FREM3: variants seen among roughly 807,000 people sequenced by gnomAD.
The protein encoded by FREM3 is FRAS1 related extracellular matrix 3.
Under a neutral mutation model 129.1 loss-of-function variants are expected in FREM3, and 105 were observed. The observed-to-expected ratio is 0.81, with a 90% confidence interval of 0.69 to 0.96. The LOEUF is 0.96. FREM3 is among the 40% of genes least tolerant of loss of function. The pLI is 0.00. For missense variants in FREM3, 2,593 were observed against 2,666.3 expected, an observed-to-expected ratio of 0.97 and a Z score of 0.61; for synonymous variants, 1,014 against 1,044.9, an observed-to-expected ratio of 0.97 and a Z score of 0.57.
At chr4:143,667,643 A>G (rs1739888029) in intron 2 of FREM3, among the ~76,000 whole-genome samples, 1 of 152,200 alleles carries the variant, frequency 6.6e-6, no homozygotes, top group Non-Finnish European at 1.5e-5. Flanking sequence ...TAACTTTTTC[A>G]GTTGAGTAAC....
intron 7 of FREM3, among the ~76,000 whole-genome samples, chr4:143,580,176 C>T (rs1225775089): frequency 6.6e-6 from 1 of 152,030 alleles, no homozygotes; most frequent in Non-Finnish European, 1.5e-5. Flanking sequence ...ATGGAGAGGA[C>T]AGAGAGTGGT....
intron 2 of FREM3, among the ~76,000 whole-genome samples, chr4:143,632,392 G>T (rs1383436646): frequency 6.6e-6 from 1 of 152,096 alleles, no homozygotes; most frequent in East Asian, 1.9e-4. Flanking sequence ...GGTGATATTT[G>T]ATAAGAGATT....
At chr4:143,589,130 C>G (rs1241978246) in intron 6 of FREM3, among the ~76,000 whole-genome samples, 1 of 152,094 alleles carries the variant, frequency 6.6e-6, no homozygotes, top group Non-Finnish European at 1.5e-5. Context: ...ACTGTAGATT[C>G]TGGATATTAG....
intron 2 of FREM3, among the ~76,000 whole-genome samples, chr4:143,670,057 G>T (rs922055898): frequency 6.6e-6 from 1 of 152,086 alleles, no homozygotes; most frequent in African/African-American, 2.4e-5. Flanking sequence ...TTAGAATTTT[G>T]TGATCTTCCT....
At chr4:143,673,198 C>G (rs1347919736) in intron 2 of FREM3, among the ~76,000 whole-genome samples, 1 of 152,194 alleles carries the variant, frequency 6.6e-6, no homozygotes, top group Non-Finnish European at 1.5e-5. Flanking sequence ...TTTTTCTGTT[C>G]TGTTTTTTCC....
In FREM3 at chr4:143,695,938, G is replaced by T; in HGVS notation, c.4738C>A (p.Pro1580Thr). ...DLILFTITQVPMHGKILYNGS... is the reference protein window; with the variant it reads ...DLILFTITQVTMHGKILYNGS... Reference sequence around the variant, plus strand: ...TTGTACAAAATCTTGCCATGCATGGGGACCTGGGTGATGGTAAAGAGAATA... The same window carrying T: ...TTGTACAAAATCTTGCCATGCATGGTGACCTGGGTGATGGTAAAGAGAATA... The change falls in exon 1 of 8, where the codon CCC becomes ACC. Residue 1580 changes from proline to threonine, a missense_variant. By Grantham distance (38) the Pro-to-Thr change is conservative. Transcript: ENST00000329798. 6.5e-7 allele frequency: 1 copy of T among 1,537,830 alleles called. No homozygotes were observed. The highest frequency in any genetic ancestry group is 8.7e-7 in the Non-Finnish European group (1 of 1,147,046).
rs534844311 is a variant in FREM3 at position 143,590,535 on chromosome 4, T to A, written c.6029-4542A>T. Among the ~76,000 whole-genome samples, 3 of 152,212 alleles carry A rather than the reference T, an allele frequency of 2.0e-5. No individual in the cohort carries two copies. The South Asian group carries it at 6.2e-4, about 32-fold the overall frequency. ...CTTTGGTTCTGTTTATATGCTGGAT[T>A]ACGTTTATTGATTTTTGTATGTTGA... On this transcript the variant is annotated intron_variant, in intron 6 of 7. Coordinates refer to ENST00000329798, the MANE Select transcript of FREM3 (RefSeq NM_001168235.2).
intron 2 of FREM3, among the ~76,000 whole-genome samples, chr4:143,659,986 T>C (rs1578855416): frequency 6.6e-6 from 1 of 150,434 alleles, no homozygotes; most frequent in East Asian, 2.0e-4. Flanking sequence ...ATATTAGCCC[T>C]TTGTCAGATG....
intron 6 of FREM3, chr4:143,602,018 T>C (rs1220157368): frequency 6.6e-6 from 1 of 152,134 alleles, no homozygotes; most frequent in Non-Finnish European, 1.5e-5. Flanking sequence ...TGCTAGATAC[T>C]GTGTCATCAT....
chr4:143,587,072 T>C (rs949060590), intron 6 of FREM3, among the ~76,000 whole-genome samples: 4 of 152,224 alleles, frequency 2.6e-5, no homozygotes, highest in Admixed American at 1.3e-4. Flanking sequence ...AGTAGATCTT[T>C]TAACTGCTGA....
intron 2 of FREM3, among the ~76,000 whole-genome samples, chr4:143,657,118 CTGTT>C (rs1739616032): frequency 6.6e-6 from 1 of 152,230 alleles, no homozygotes; most frequent in Non-Finnish European, 1.5e-5. Flanking sequence ...TCTTTCCTGA[CTGTT>C]CATTGCAGCA....
intron 4 of FREM3, among the ~76,000 whole-genome samples, chr4:143,622,155 G>A (rs907116089): frequency 6.8e-6 from 1 of 147,192 alleles, no homozygotes; most frequent in Non-Finnish European, 1.5e-5. Context: ...GTGCAATTTC[G>A]TGATCTCAGC....
chr4:143,695,405 G>A, intron 1 of FREM3, 86 bp downstream of exon 1: 2 of 1,159,688 alleles, frequency 1.7e-6, no homozygotes, highest in South Asian at 1.7e-5. Flanking sequence ...GCAAATGGCT[G>A]AGATCAGGAC....
At position 143,700,295 on chromosome 4, in the gene FREM3, A is replaced by G. The variant is rs1253367410; in HGVS notation, c.381T>C (p.Thr127=). 5 of 1,536,058 alleles carry G rather than the reference A, an allele frequency of 3.3e-6. No individual in the cohort carries two copies. The highest frequency in any genetic ancestry group is 4.4e-6 in the Non-Finnish European group (5 of 1,146,620). The change falls in exon 1 of 8, where the codon ACT becomes ACC. Residue 127 remains threonine, a synonymous_variant. Coordinates refer to ENST00000329798, the MANE Select transcript of FREM3 (RefSeq NM_001168235.2). ...GTCCGGGGCTGTGGGAGCCGAAGTG[A>G]GTGTACTGGACTTGGCGGGGCCCGA... The part of the protein sequence containing the change: ...CTFGPRQVQY[T]HFGSHSPGRA...
At chr4:143,681,335 G>A (rs1379389492) in intron 2 of FREM3, among the ~76,000 whole-genome samples, 1 of 152,046 alleles carries the variant, frequency 6.6e-6, no homozygotes, top group Non-Finnish European at 1.5e-5. Flanking sequence ...TTATTATATG[G>A]TAAGTGGAAG....
intron 5 of FREM3, among the ~76,000 whole-genome samples, chr4:143,613,168 G>A (rs1279910738): frequency 1.3e-5 from 2 of 152,122 alleles, no homozygotes; most frequent in Non-Finnish European, 2.9e-5. Flanking sequence ...AGAATTATTC[G>A]GAAGTAACAA....
chr4:143,611,487 A>G lies in FREM3; in HGVS notation c.5820T>C (p.Ser1940=), dbSNP rs1264979742. The change falls in exon 6 of 8, where the codon TCT becomes TCC. Residue 1940 remains serine (S), a synonymous_variant. Transcript: ENST00000329798. ...GGTCTTCTGGACGTGAGATGTAATC[A>G]GAGAATAACACTGTGGAAGAAATCG... ...TGTISSTVLF[S]DYISRPEDHT... is the part of the protein sequence containing the mutation. The G allele has an allele frequency of 3.2e-5, 49 of 1,537,034 alleles. No homozygotes were observed. The highest frequency in any genetic ancestry group is 3.9e-5 in the Non-Finnish European group (45 of 1,146,800).
intron 6 of FREM3, among the ~76,000 whole-genome samples, chr4:143,589,473 C>T (rs1201882306): frequency 6.6e-6 from 1 of 152,076 alleles, no homozygotes; most frequent in Admixed American, 6.5e-5. Flanking sequence ...AGCCAGTTTT[C>T]CCAGCACCAT....
At chr4:143,690,318 G>A (rs1223609979) in intron 2 of FREM3, among the ~76,000 whole-genome samples, 3 of 152,078 alleles carry the variant, frequency 2.0e-5, no homozygotes, top group African/African-American at 7.2e-5. Context: ...AGACAGCCTG[G>A]GTCCAGAGCC....
Sources: allele counts gnomAD v4.1 joint callset (sites outside exome capture counted in the v4.1 genomes callset), GRCh38; gene constraint gnomAD v4.1.1; transcripts MANE v1.5; gene names NCBI Gene and HGNC (gene_info 2026-07-23, HGNC 2026-07-21).